Variants in CD3E observed in about 807,000 individuals in gnomAD.
CD3E encodes the protein T-cell surface glycoprotein CD3 epsilon chain.
CD3E carries 16 observed loss-of-function variants against 34.7 expected under a neutral mutation model. That is an observed-to-expected ratio of 0.46 (90% confidence interval 0.31 to 0.70). CD3E has a LOEUF of 0.70. CD3E is among the 30% of genes least tolerant of loss of function. CD3E has a pLI of 0.05. For synonymous variants in CD3E, 70 were observed against 90.8 expected (o/e 0.77, Z 1.30); for missense variants, 223 against 253.9 (o/e 0.88, Z 0.83).
chr11:118,309,611 T>C (rs1024531160), intron 4 of CD3E, among the ~76,000 whole-genome samples: 5 of 152,000 alleles, frequency 3.3e-5, no homozygotes, highest in African/African-American at 9.7e-5. Flanking sequence ...AGTAGGTGAA[T>C]TTTAGCTATT....
Position 118,304,889 on chromosome 11 carries a change from T to C in CD3E, c.-59-5T>C. 5 of 1,499,760 alleles carry C rather than the reference T, an allele frequency of 3.3e-6. No individual in the cohort carries two copies. The highest frequency in any genetic ancestry group is 3.7e-6 in the Non-Finnish European group (4 of 1,075,546). The allele number at this position is 1,499,760 out of a possible 1,614,324, so 92.9% of individuals were successfully genotyped here. A position where few individuals can be genotyped will look rare whatever the true frequency, so the allele number is the denominator to read the frequency against. On this transcript the variant is annotated splice_polypyrimidine_tract_variant and splice_region_variant and intron_variant, in intron 1 of 8. Coordinates refer to ENST00000361763, the MANE Select transcript of CD3E (RefSeq NM_000733.4). ...AAAAAGTCATCTGTTTTGCTTTTTT[T>C]CCAGAAGTAGTAAGTCTGCTGGCCT...
In CD3E at chr11:118,315,724, G is replaced by T; in HGVS notation, c.*182G>T. The T allele has an allele frequency of 1.5e-6, 1 of 649,278 alleles. No individual in the cohort carries two copies. The highest frequency in any genetic ancestry group is 2.8e-6 in the Non-Finnish European group (1 of 358,498). 40.2% of individuals were successfully genotyped at this position (649,278 alleles called of 1,614,324 possible). ...TCCCTGCCTTCTCTGCTGGTACCCA[G>T]TCCTAAAATATTGCTGCTTCCTCTT... On this transcript the variant is annotated 3_prime_UTR_variant, in exon 9 of 9. Coordinates refer to ENST00000361763, the MANE Select transcript of CD3E (RefSeq NM_000733.4).
At chr11:118,308,339 A>G in intron 3 of CD3E, 88 bp from the exon 4 acceptor site, 2 of 913,840 alleles carry the variant, frequency 2.2e-6, no homozygotes, top group South Asian at 1.4e-5. Flanking sequence ...CTAAGAGTTG[A>G]GGGAAGAGTC....
At chr11:118,310,811 A>C (rs1172272854) in intron 4 of CD3E, among the ~76,000 whole-genome samples, 1 of 152,220 alleles carries the variant, frequency 6.6e-6, no homozygotes, top group Non-Finnish European at 1.5e-5. Flanking sequence ...ATTATTTATA[A>C]ATTAAAATAA....
At position 118,313,766 on chromosome 11, in the gene CD3E, A is replaced by G. The variant is rs1565511581; in HGVS notation, c.412A>G (p.Ile138Val). The change falls in exon 7 of 9, where the codon ATC becomes GTC. Residue 138 changes from isoleucine (I) to valine (V), a missense_variant. By Grantham distance (29) the Ile-to-Val change is conservative. Transcript: ENST00000361763. ...GGTGGCCACAATTGTCATAGTGGAC[A>G]TCTGCATCACTGGGGGCTTGCTGCT... is the stretch of plus-strand genomic sequence containing the variant. ...MSVATIVIVDICITGGLLLLV... is the reference protein window; with the variant it reads ...MSVATIVIVDVCITGGLLLLV... 1.9e-6 allele frequency: 3 copies of G among 1,614,158 alleles called. No individual in the cohort carries two copies. The highest frequency in any genetic ancestry group is 1.7e-6 in the Non-Finnish European group (2 of 1,180,036).
At chr11:118,313,032 TC>T in intron 6 of CD3E, 166 bp downstream of exon 6, 1 of 790,960 alleles carries the variant, frequency 1.3e-6, no homozygotes, top group Non-Finnish European at 2.2e-6. Context: ...ATCAGTGTTT[TC>T]TGGAATATAG....
intron 2 of CD3E, 90 bp from the exon 3 acceptor site, chr11:118,307,198 G>A: frequency 5.3e-6 from 5 of 948,502 alleles, no homozygotes; most frequent in Non-Finnish European, 8.6e-6. Context: ...TGTCATCAGT[G>A]GTCATACTGC....
chr11:118,312,775 T>C lies in CD3E; in HGVS notation c.261T>C (p.Phe87=), dbSNP rs1172889528. The change falls in exon 6 of 9, where the codon TTT becomes TTC. Residue 87 remains phenylalanine (F), a synonymous_variant. Coordinates refer to ENST00000361763, the MANE Select transcript of CD3E (RefSeq NM_000733.4). The stretch of plus-strand genomic sequence containing the variant: ...AGGATCACCTGTCACTGAAGGAATT[T>C]TCAGAATTGGAGCAAAGTGGTTATT... The part of the protein sequence containing the change: ...SDEDHLSLKE[F]SELEQSGYYV... The C allele has an allele frequency of 6.2e-7, 1 of 1,614,014 alleles. No homozygotes were observed. Among genetic ancestry groups the C allele is most frequent in the Non-Finnish European group, 8.5e-7 (1 of 1,180,036 alleles).
chr11:118,305,160 G>GA (rs780117794), intron 2 of CD3E, among the ~76,000 whole-genome samples, 159 bp downstream of exon 2: 5 of 152,226 alleles, frequency 3.3e-5, no homozygotes, highest in Admixed American at 6.5e-5. Context: ...GGGGACTAAA[G>GA]AAAAAGATAG....
chr11:118,308,084 G>A (rs564073775), intron 3 of CD3E, among the ~76,000 whole-genome samples: 2 of 152,210 alleles, frequency 1.3e-5, no homozygotes, highest in African/African-American at 4.8e-5. Flanking sequence ...CAGGAGAATC[G>A]CTTGAACCTG....
Position 118,310,453 on chromosome 11 carries a change from T to A in CD3E, c.86-1700T>A, listed in dbSNP as rs551543581. On this transcript the variant is annotated intron_variant, in intron 4 of 8. Transcript: ENST00000361763. ...ATCCATGTTCCTGCAAAGGACGTGA[T>A]CTCATTCTTTTTTATGGCTGCGTAG... Among the ~76,000 whole-genome samples, 4 of 152,324 alleles carry A rather than the reference T, an allele frequency of 2.6e-5. No individual in the cohort carries two copies. The South Asian group carries it at 8.3e-4, about 32-fold the overall frequency.
At chr11:118,313,319 G>A in intron 6 of CD3E, 2 of 357,954 alleles carry the variant, frequency 5.6e-6, no homozygotes, top group Non-Finnish European at 1.1e-5. Context: ...TAAGTCTCAA[G>A]CACTGTCTGT....
At chr11:118,312,114 T>C (rs1945765) in intron 4 of CD3E, 39 bp from the exon 5 acceptor site, 1 of 1,583,962 alleles carries the variant, frequency 6.3e-7, no homozygotes. Flanking sequence ...ACTTAAACCA[T>C]GATATTTTCT....
rs745493004 is a variant in CD3E at position 118,313,854 on chromosome 11, G to T, written c.500G>T (p.Gly167Val). The T allele has an allele frequency of 1.2e-5, 19 of 1,613,482 alleles. No individual in the cohort carries two copies. Among genetic ancestry groups the T allele is most frequent in the Non-Finnish European group, 1.6e-5 (19 of 1,180,050 alleles). ...AKAKPVTRGA[G>V]AGGRQRGQNK... ...GCCAAGCCTGTGACACGAGGAGCGG[G>T]TGCTGGCGGCAGGCAAAGGGGTAAG... The change falls in exon 7 of 9, where the codon GGT becomes GTT. Residue 167 changes from glycine to valine, a missense_variant. Physicochemically the swap from Gly to Val is moderately radical, Grantham distance 109. Coordinates refer to ENST00000361763, the MANE Select transcript of CD3E (RefSeq NM_000733.4).
rs548611062 is a variant in CD3E, at chr11:118,307,322, T to G, written c.70+14T>G. The G allele has an allele frequency of 1.0e-5, 16 of 1,588,670 alleles. No individual in the cohort carries two copies. The African/African-American group carries it at 1.1e-4, about 11-fold the overall frequency. On this transcript the variant is annotated intron_variant, in intron 3 of 8. Transcript: ENST00000361763. ...GGGGGCAAGATGGTGAGATATGCTT[T>G]CTTTCTTTCTTTTTTATGAAATCAC...
At chr11:118,312,986 C>G in intron 6 of CD3E, 120 bp downstream of exon 6, 1 of 1,091,834 alleles carries the variant, frequency 9.2e-7, no homozygotes, top group East Asian at 2.4e-5. Context: ...CGCTTCCTCC[C>G]ACACTCAATC....
intron 7 of CD3E, 152 bp downstream of exon 7, chr11:118,314,026 G>C (rs568815647): frequency 5.4e-5 from 45 of 831,134 alleles, no homozygotes; most frequent in Non-Finnish European, 7.4e-5. Context: ...GATCTCAACA[G>C]ACGGTTTCAA....
intron 4 of CD3E, among the ~76,000 whole-genome samples, chr11:118,309,860 A>G (rs554135337): frequency 1.3e-5 from 2 of 152,346 alleles, no homozygotes; most frequent in East Asian, 1.9e-4. Flanking sequence ...GTTCATGCCT[A>G]TAATCCCAAC....
At chr11:118,315,052 T>C (rs904344682) in intron 8 of CD3E, among the ~76,000 whole-genome samples, 1 of 151,056 alleles carries the variant, frequency 6.6e-6, no homozygotes, top group South Asian at 2.1e-4. Context: ...TGAGTTGGGG[T>C]AACAAAGAGT....
Sources: allele counts gnomAD v4.1 joint callset (sites outside exome capture counted in the v4.1 genomes callset), GRCh38; gene constraint gnomAD v4.1.1; transcripts MANE v1.5; gene names NCBI Gene and HGNC (gene_info 2026-07-23, HGNC 2026-07-21).